MAP3K14: variants seen among roughly 807,000 people sequenced by gnomAD.
MAP3K14 encodes the protein mitogen-activated protein kinase kinase kinase 14.
In MAP3K14, 16 loss-of-function variants were observed where a neutral mutation model predicts 99.2. The observed-to-expected ratio is 0.16, with a 90% CI of 0.11 to 0.24. The LOEUF is 0.24. Among genes scored for constraint, MAP3K14 ranks in the 10% least tolerant of loss-of-function variants. The pLI is 1.00. For synonymous variants in MAP3K14, 462 were observed against 492.4 expected (o/e 0.94, Z 0.82); for missense variants, 784 against 1,208.7 (o/e 0.65, Z 5.21).
chr17:45,270,379 C>T (rs1404956563), intron 11 of MAP3K14, 34 bp downstream of exon 11: 17 of 1,595,190 alleles, frequency 1.1e-5, no homozygotes, highest in South Asian at 2.2e-5. Flanking sequence ...CTGTCTTCTG[C>T]CCCCCGGGTC....
rs12938800 is a variant in MAP3K14, at chr17:45,265,129, A to T, written c.2679+34T>A. The stretch of plus-strand genomic sequence containing the variant: ...GGGGCCAGCTGCATTGGCTTCTGGG[A>T]CTCTGCCCGTCAGAGTGTACCTGCC... On this transcript the variant is annotated intron_variant, in intron 15 of 15. Transcript: ENST00000344686. 1.0e-4 allele frequency: 155 copies of T among 1,540,822 alleles called. No homozygotes were observed. In the African/African-American group the frequency reaches 2.0e-3, roughly 20 times the overall value.
intron 1 of MAP3K14, among the ~76,000 whole-genome samples, chr17:45,298,266 A>G (rs1439390530): frequency 6.6e-6 from 1 of 152,230 alleles, no homozygotes; most frequent in East Asian, 1.9e-4. Flanking sequence ...AATGCTGTCA[A>G]TCTGATACAA....
chr17:45,266,612 C>T lies in MAP3K14; in HGVS notation c.2503G>A (p.Ala835Thr), dbSNP rs1031157147. 6.2e-7 allele frequency: 1 copy of T among 1,613,804 alleles called. No individual in the cohort carries two copies. The highest frequency in any genetic ancestry group is 2.2e-5 in the East Asian group (1 of 44,864). Residue 835 changes from alanine to threonine, a missense_variant, in exon 14 of 16, where the codon GCC becomes ACC. Around this residue, in one of 5 missense-constraint regions of MAP3K14, gnomAD observed 130 missense variants for 220.4 expected, o/e 0.59. Coordinates refer to ENST00000344686, the MANE Select transcript of MAP3K14 (RefSeq NM_003954.5). ...SSGVHSWSSQ[A>T]EARSSSWNMV... ...TTCCAGCTGGAGCTTCGAGCCTCGG[C>T]CTGGCTGCTCCAGGAGTGTACGCCT... is the stretch of plus-strand genomic sequence containing the variant.
rs149863395 is a variant in MAP3K14, at chr17:45,306,289, C to T, written c.-21+10671G>A. Among the ~76,000 whole-genome samples, 54 of 151,834 alleles carry T rather than the reference C, an allele frequency of 3.6e-4. No homozygotes were observed. In the South Asian group the frequency reaches 5.4e-3, roughly 15 times the overall value. On this transcript the variant is annotated intron_variant, in intron 1 of 15. Coordinates refer to ENST00000344686, the MANE Select transcript of MAP3K14 (RefSeq NM_003954.5). ...AGAGACTTTTATGTCAAAGCCCATA[C>T]TCTTAACCATGACACTCTTCCTACT...
In MAP3K14 at chr17:45,272,281, G is replaced by A. The variant is rs2044147290; in HGVS notation, c.1658-1060C>T. Among the ~76,000 whole-genome samples the A allele has an allele frequency of 6.6e-6, 1 of 152,076 alleles. No individual in the cohort carries two copies. Among genetic ancestry groups the A allele is most frequent in the Non-Finnish European group, 1.5e-5 (1 of 68,006 alleles). The stretch of plus-strand genomic sequence containing the variant: ...CTTGAGGCTGCAGTGAGCTATGAGT[G>A]AGCTACTGCACTCCAGCCTGGGTGA... On this transcript the variant is annotated intron_variant, in intron 9 of 15. Coordinates refer to ENST00000344686, the MANE Select transcript of MAP3K14 (RefSeq NM_003954.5). This position sits in a 1 kb window ranked among gnomAD's most constrained non-coding sequence, Gnocchi z 4.1.
intron 1 of MAP3K14, among the ~76,000 whole-genome samples, chr17:45,311,272 G>A (rs1051447973): frequency 1.3e-5 from 2 of 152,234 alleles, no homozygotes; most frequent in Admixed American, 6.5e-5. Flanking sequence ...AGCAGGAGGT[G>A]ACTACTGGTT....
intron 1 of MAP3K14, among the ~76,000 whole-genome samples, chr17:45,296,545 G>GA (rs112283907): frequency 1.9e-4 from 29 of 150,028 alleles, no homozygotes; most frequent in Admixed American, 6.6e-4. Context: ...AAAAGGAGGG[G>GA]AAAAAAAAAG....
In MAP3K14 at chr17:45,267,344, G is replaced by A. The variant is rs554658901; in HGVS notation, c.2326+62C>T. Reference sequence around the variant, plus strand: ...CACACCGCAGGTAAAGAGAAACACCGGCCTCCGCGGGTGGCCCAGGGCCAG... The same window carrying A: ...CACACCGCAGGTAAAGAGAAACACCAGCCTCCGCGGGTGGCCCAGGGCCAG... On this transcript the variant is annotated intron_variant, in intron 12 of 15. Coordinates refer to ENST00000344686, the MANE Select transcript of MAP3K14 (RefSeq NM_003954.5). This position sits in a 1 kb window ranked among gnomAD's most constrained non-coding sequence, Gnocchi z 5.1. 21 of 1,501,370 alleles carry A rather than the reference G, an allele frequency of 1.4e-5. No individual in the cohort carries two copies. Among genetic ancestry groups the A allele is most frequent in the East Asian group, 7.4e-5 (3 of 40,662 alleles). The allele number at this position is 1,501,370 out of a possible 1,614,324, so 93.0% of individuals were successfully genotyped here. A position where few individuals can be genotyped will look rare whatever the true frequency, so the allele number is the denominator to read the frequency against.
intron 3 of MAP3K14, 102 bp from the exon 4 acceptor site, chr17:45,287,466 C>G: frequency 1.0e-6 from 1 of 969,376 alleles, no homozygotes; most frequent in Non-Finnish European, 1.5e-6. Flanking sequence ...AAGGTCAAAT[C>G]CCAGGTTGCC....
chr17:45,290,536 G>A lies in MAP3K14; in HGVS notation c.210C>T (p.Gly70=). The change falls in exon 2 of 16, where the codon GGC becomes GGT. Residue 70 remains glycine (G), a synonymous_variant. Transcript: ENST00000344686. ...AGATGGCAGCTGGCCCTGCCTCGGA[G>A]CCTTCCTTGGCTGTGCCCTTGGTAA... The part of the protein sequence containing the change: ...DVITKGTAKE[G]SEAGPAAISI... 1 of 1,613,928 alleles carries A rather than the reference G, an allele frequency of 6.2e-7. No homozygotes were observed. The highest frequency in any genetic ancestry group is 1.1e-5 in the South Asian group (1 of 91,088).
At chr17:45,294,016 T>G (rs377010472) in intron 1 of MAP3K14, among the ~76,000 whole-genome samples, 36 of 152,324 alleles carry the variant, frequency 2.4e-4, no homozygotes, top group African/African-American at 8.2e-4. Flanking sequence ...GCCCTAACAC[T>G]TTGCCCCTTC....
At chr17:45,276,823 C>CTTTTTTTTTTTT (rs35012373) in intron 6 of MAP3K14, among the ~76,000 whole-genome samples, 2 of 62,258 alleles carry the variant, frequency 3.2e-5, no homozygotes, top group Admixed American at 2.3e-4. Flanking sequence ...TCTTAGACTT[C>CTTTTTTTTTTTT]TTTTTTTTTT....
At chr17:45,264,931 CAG>C in intron 15 of MAP3K14, 131 bp from the exon 16 acceptor site, 1 of 1,009,644 alleles carries the variant, frequency 9.9e-7, no homozygotes, top group Non-Finnish European at 1.5e-6. Context: ...CCACGGGACT[CAG>C]AGAATCCCAC....
intron 1 of MAP3K14, among the ~76,000 whole-genome samples, chr17:45,305,092 GTTTT>G (rs1209995707): frequency 1.3e-5 from 2 of 151,942 alleles, no homozygotes; most frequent in Non-Finnish European, 2.9e-5. Context: ...TTGGTTTTAT[GTTTT>G]TTTATTTTTT....
intron 1 of MAP3K14, among the ~76,000 whole-genome samples, chr17:45,314,259 T>G (rs753985041): frequency 1.3e-5 from 2 of 152,248 alleles, no homozygotes; most frequent in Admixed American, 1.3e-4. Flanking sequence ...TTTGGGCTAC[T>G]ACTTTCAGCA....
intron 1 of MAP3K14, among the ~76,000 whole-genome samples, chr17:45,303,163 T>C (rs1180220423): frequency 1.3e-5 from 2 of 151,942 alleles, no homozygotes; most frequent in Non-Finnish European, 2.9e-5. Flanking sequence ...CGCAAAGGGG[T>C]GGGAATCGCA....
chr17:45,288,667 T>A (rs1419403965), intron 3 of MAP3K14, among the ~76,000 whole-genome samples: 3 of 152,188 alleles, frequency 2.0e-5, no homozygotes, highest in Non-Finnish European at 4.4e-5. Flanking sequence ...AGAGCCATTG[T>A]GCCCAGCACT....
In MAP3K14 at chr17:45,286,612, G is replaced by C. The variant is rs752794363; in HGVS notation, c.971C>G (p.Ser324Cys). 13 of 1,611,414 alleles carry C rather than the reference G, an allele frequency of 8.1e-6. No homozygotes were observed. Among genetic ancestry groups the C allele is most frequent in the Non-Finnish European group, 1.1e-5 (13 of 1,178,998 alleles). ...AGAAAACTTCTCATGGGCACCACGAGACAGGCAGCTGGGCTCCAGGTGTGG... is the reference window on the plus strand; with the variant it reads ...AGAAAACTTCTCATGGGCACCACGACACAGGCAGCTGGGCTCCAGGTGTGG... The part of the protein sequence containing the change: ...PGPHLEPSCL[S>C]RGAHEKFSVE... The change falls in exon 5 of 16, where the codon TCT becomes TGT. Residue 324 changes from serine to cysteine, a missense_variant. Ser to Cys is a moderately radical substitution (Grantham distance 112). Around this residue, in one of 5 missense-constraint regions of MAP3K14, gnomAD observed 138 missense variants for 164.1 expected, o/e 0.84. Transcript: ENST00000344686. This position sits in a 1 kb window ranked among gnomAD's most constrained non-coding sequence, Gnocchi z 4.1.
chr17:45,294,070 T>C (rs562081021), intron 1 of MAP3K14, among the ~76,000 whole-genome samples: 1 of 152,338 alleles, frequency 6.6e-6, no homozygotes, highest in South Asian at 2.1e-4. Flanking sequence ...GAGCCAGTTA[T>C]GTCTCTGCCT....
Sources: allele counts gnomAD v4.1 joint callset (sites outside exome capture counted in the v4.1 genomes callset), GRCh38; gene constraint gnomAD v4.1.1; regional missense constraint gnomAD v4.1.1; non-coding constraint Gnocchi (gnomAD v3.1); transcripts MANE v1.5; gene names NCBI Gene and HGNC (gene_info 2026-07-23, HGNC 2026-07-21).